Variants in SPMIP4 observed in about 807,000 individuals in gnomAD.
SPMIP4 encodes sperm microtubule inner protein 4, also known as sperm-associated microtubule inner protein 4.
chr7:25,180,247 A>G, the SPMIP4 span: 1 of 152,710 alleles, frequency 6.5e-6, no homozygotes, highest in Non-Finnish European at 1.5e-5. Flanking sequence ...GGAGGCTCTT[A>G]GAGACCTCGG....
chr7:25,136,218 T>C, the SPMIP4 span: 1 of 1,614,234 alleles, frequency 6.2e-7, no homozygotes, highest in Non-Finnish European at 8.5e-7. This position sits in a 1 kb window ranked among gnomAD's most constrained non-coding sequence, Gnocchi z 5.7. Context: ...ACAACTCTTC[T>C]TCTGGCTTAC....
At chr7:25,149,745 C>A in the SPMIP4 span, among the ~76,000 whole-genome samples, 2 of 152,066 alleles carry the variant, frequency 1.3e-5, no homozygotes, top group Non-Finnish European at 2.9e-5. Flanking sequence ...AATAATAATG[C>A]CTTATAAATT....
the SPMIP4 span, among the ~76,000 whole-genome samples, chr7:25,153,520 G>A: frequency 6.7e-6 from 1 of 149,844 alleles, no homozygotes; most frequent in Non-Finnish European, 1.5e-5. Flanking sequence ...TCCAGAAAGT[G>A]CCACTGCACT....
At chr7:25,168,910 G>C in the SPMIP4 span, among the ~76,000 whole-genome samples, 1 of 151,786 alleles carries the variant, frequency 6.6e-6, no homozygotes, top group African/African-American at 2.4e-5. Context: ...ATTTTTAGTA[G>C]AGACGGGGGT....
chr7:25,165,444 T>G, the SPMIP4 span, among the ~76,000 whole-genome samples: 2 of 152,238 alleles, frequency 1.3e-5, no homozygotes, highest in African/African-American at 2.4e-5. Context: ...TTCATTTGTA[T>G]GAAAATTGTT....
the SPMIP4 span, among the ~76,000 whole-genome samples, chr7:25,162,552 C>A: frequency 1.3e-5 from 2 of 151,990 alleles, no homozygotes; most frequent in Admixed American, 6.6e-5. Flanking sequence ...CTCAACCCAA[C>A]TAGTAAGCAG....
At chr7:25,176,379 A>G in the SPMIP4 span, among the ~76,000 whole-genome samples, 1 of 152,150 alleles carries the variant, frequency 6.6e-6, no homozygotes, top group East Asian at 1.9e-4. This position sits in a 1 kb window ranked among gnomAD's most constrained non-coding sequence, Gnocchi z 4.4. Flanking sequence ...ATCACACACA[A>G]TCCACTAAGG....
the SPMIP4 span, among the ~76,000 whole-genome samples, chr7:25,141,222 T>C: frequency 2.0e-5 from 3 of 152,180 alleles, no homozygotes; most frequent in Non-Finnish European, 4.4e-5. Flanking sequence ...TCAATTATTA[T>C]GAATATCAGG....
the SPMIP4 span, chr7:25,158,374 A>AAC: frequency 3.0e-6 from 2 of 672,278 alleles, no homozygotes; most frequent in Non-Finnish European, 2.5e-6. Context: ...GTCTCAAAAA[A>AAC]AAAAAAAAAA....
chr7:25,134,233 C>CTT, the SPMIP4 span, among the ~76,000 whole-genome samples: 1 of 151,252 alleles, frequency 6.6e-6, no homozygotes, highest in Non-Finnish European at 1.5e-5. Context: ...GCATTCCAGC[C>CTT]CAGGCAACAG....
chr7:25,135,938 A>T, the SPMIP4 span: 1 of 1,542,818 alleles, frequency 6.5e-7, no homozygotes, highest in Non-Finnish European at 8.7e-7. Context: ...AGCTTCTTGC[A>T]AGAGGCTGGG....
chr7:25,154,090 A>G, the SPMIP4 span, among the ~76,000 whole-genome samples: 8 of 152,232 alleles, frequency 5.3e-5, no homozygotes, highest in Non-Finnish European at 1.0e-4. Flanking sequence ...CAGATCCAGA[A>G]TTCTACTCAT....
the SPMIP4 span, chr7:25,136,482 A>T: frequency 6.2e-7 from 1 of 1,614,108 alleles, no homozygotes; most frequent in Non-Finnish European, 8.5e-7. The surrounding 1 kb of genome is among the most constrained non-coding windows in gnomAD (Gnocchi z 5.7). Flanking sequence ...CATAAATGCT[A>T]GTTAGGTCTT....
the SPMIP4 span, among the ~76,000 whole-genome samples, chr7:25,141,999 G>T: frequency 2.0e-5 from 3 of 152,196 alleles, no homozygotes; most frequent in Admixed American, 2.0e-4. Context: ...GCCTCCCAGA[G>T]TGCTGGGATT....
chr7:25,155,544 T>C, the SPMIP4 span, among the ~76,000 whole-genome samples: 2 of 152,230 alleles, frequency 1.3e-5, no homozygotes, highest in Non-Finnish European at 2.9e-5. Context: ...TTGCTTTTAA[T>C]TACTGTGTCT....
At chr7:25,160,126 A>T in the SPMIP4 span, among the ~76,000 whole-genome samples, 1 of 152,178 alleles carries the variant, frequency 6.6e-6, no homozygotes, top group African/African-American at 2.4e-5. Context: ...CACCCTTCAC[A>T]TCTGCTTTGC....
At chr7:25,141,340 G>A in the SPMIP4 span, among the ~76,000 whole-genome samples, 7 of 152,080 alleles carry the variant, frequency 4.6e-5, no homozygotes, top group Non-Finnish European at 7.4e-5. Context: ...TTGGGAGGCC[G>A]AGGCGGGCGA....
At chr7:25,148,266 T>C in the SPMIP4 span, among the ~76,000 whole-genome samples, 1 of 152,046 alleles carries the variant, frequency 6.6e-6, no homozygotes, top group South Asian at 2.1e-4. Context: ...ATAGGAAAGG[T>C]AAATACTATA....
At chr7:25,173,932 T>C in the SPMIP4 span, among the ~76,000 whole-genome samples, 6 of 152,178 alleles carry the variant, frequency 3.9e-5, no homozygotes, top group Non-Finnish European at 8.8e-5. This position sits in a 1 kb window ranked among gnomAD's most constrained non-coding sequence, Gnocchi z 4.4. Flanking sequence ...TACTTTAAGG[T>C]ATCATGTCTC....
Sources: gnomAD v4.1 joint callset for allele counts (sites outside exome capture counted in the v4.1 genomes callset) on GRCh38, gnomAD v4.1.1 for gene constraint, Gnocchi (gnomAD v3.1) non-coding constraint, MANE v1.5 for transcripts, NCBI Gene and HGNC (gene_info 2026-07-23, HGNC 2026-07-21) for gene names.